The following ATG7 variants were observed in gnomAD, a reference collection of about 807,000 sequenced individuals.
The protein encoded by ATG7 is ubiquitin-like modifier-activating enzyme ATG7.
In ATG7, 70 loss-of-function variants were observed where a neutral mutation model predicts 82.4. The ratio of observed to expected loss-of-function variants is 0.85; its 90% CI spans 0.70 to 1.04. ATG7 has a LOEUF of 1.04. Ranked by LOEUF, ATG7 falls within the 50% of genes least tolerant of loss-of-function variation. ATG7 has a pLI of 0.00. For missense variants in ATG7, 792 were observed against 864.3 expected (o/e 0.92, Z 1.05); for synonymous variants, 287 against 313.0 (o/e 0.92, Z 0.88).
At chr3:11,451,855 A>G (rs2085194050) in intron 20 of ATG7, among the ~76,000 whole-genome samples, 1 of 150,534 alleles carries the variant, frequency 6.6e-6, no homozygotes, top group African/African-American at 2.4e-5. Flanking sequence ...CTCTATATAT[A>G]TATACGCCTT....
At chr3:11,331,170 G>A (rs1559408499) in intron 9 of ATG7, among the ~76,000 whole-genome samples, 170 bp from the exon 10 acceptor site, 2 of 152,114 alleles carry the variant, frequency 1.3e-5, no homozygotes, top group African/African-American at 4.8e-5. Flanking sequence ...GTTCTGTAGT[G>A]CAGTGTGAGA....
chr3:11,438,427 G>A (rs1474132459), intron 20 of ATG7, among the ~76,000 whole-genome samples: 2 of 152,156 alleles, frequency 1.3e-5, no homozygotes, highest in Non-Finnish European at 2.9e-5. Flanking sequence ...TTAGCCAGGC[G>A]TGGTGGCTTG....
intron 18 of ATG7, among the ~76,000 whole-genome samples, chr3:11,373,706 T>C (rs1270224482): frequency 1.3e-5 from 2 of 152,208 alleles, no homozygotes; most frequent in Non-Finnish European, 1.5e-5. Flanking sequence ...CCTCTCTCAA[T>C]AGGTATGTGT....
the ATG7 span, among the ~76,000 whole-genome samples, chr3:11,571,036 T>C: frequency 2.0e-5 from 3 of 152,162 alleles, no homozygotes; most frequent in African/African-American, 4.8e-5. Context: ...GTGAAGACGA[T>C]GTTTGCCGAG....
At chr3:11,491,357 C>G (rs1356369831) in intron 20 of ATG7, among the ~76,000 whole-genome samples, 1 of 152,148 alleles carries the variant, frequency 6.6e-6, no homozygotes. Flanking sequence ...ATTGGTTATT[C>G]TAGTTATACA....
At chr3:11,492,290 C>T (rs190478747) in intron 20 of ATG7, among the ~76,000 whole-genome samples, 4 of 152,320 alleles carry the variant, frequency 2.6e-5, no homozygotes, top group Admixed American at 6.5e-5. Context: ...TTGCACTTCC[C>T]GAGTGAGGCA....
downstream of ATG7, among the ~76,000 whole-genome samples, chr3:11,560,837 G>A (rs1035508763): frequency 1.3e-5 from 2 of 152,200 alleles, no homozygotes; most frequent in African/African-American, 4.8e-5. Context: ...CCGGGCAGGT[G>A]GAGCTGGGCT....
chr3:11,426,841 T>C lies in ATG7; in HGVS notation c.1994T>C (p.Leu665Pro). 16 of 1,611,320 alleles carry C rather than the reference T, an allele frequency of 9.9e-6. No individual in the cohort carries two copies. The highest frequency in any genetic ancestry group is 1.4e-5 in the Non-Finnish European group (16 of 1,178,946). ...TATGAACGAGAAGGATTTAACTTCC[T>C]AGCCAAGGTGTTTAATTCTTCACAT... ...DQYEREGFNFLAKVFNSSHSF... is the reference protein window; with the variant it reads ...DQYEREGFNFPAKVFNSSHSF... The change falls in exon 20 of 21, where the codon CTA becomes CCA. Residue 665 changes from leucine (L) to proline (P), a missense_variant. Coordinates refer to ENST00000693202, the MANE Select transcript of ATG7 (RefSeq NM_001349232.2).
intron 5 of ATG7, among the ~76,000 whole-genome samples, chr3:11,303,558 C>T (rs1947147643): frequency 6.6e-6 from 1 of 151,312 alleles, no homozygotes; most frequent in African/African-American, 2.4e-5. Flanking sequence ...GTCCCAGCTG[C>T]TTGAGAGGCT....
intron 14 of ATG7, among the ~76,000 whole-genome samples, chr3:11,348,999 T>A (rs1559446881): frequency 1.3e-5 from 2 of 152,110 alleles, no homozygotes; most frequent in Non-Finnish European, 2.9e-5. Context: ...TACAGAGTGC[T>A]GATTGGTGTG....
chr3:11,487,048 G>A (rs1299655415), intron 20 of ATG7, among the ~76,000 whole-genome samples: 1 of 151,208 alleles, frequency 6.6e-6, no homozygotes, highest in African/African-American at 2.4e-5. Context: ...TAACGAGCAT[G>A]CTGCCTTCAA....
At chr3:11,506,790 T>C (rs1288661214) in intron 20 of ATG7, among the ~76,000 whole-genome samples, 1 of 151,990 alleles carries the variant, frequency 6.6e-6, no homozygotes, top group Non-Finnish European at 1.5e-5. Context: ...GAAAGTTTAG[T>C]TGGGCAGCCC....
chr3:11,536,680 G>A (rs1197551984), intron 20 of ATG7, among the ~76,000 whole-genome samples: 3 of 152,100 alleles, frequency 2.0e-5, no homozygotes, highest in African/African-American at 2.4e-5. Flanking sequence ...CCATAGGTGC[G>A]GAACGAACCT....
intron 20 of ATG7, among the ~76,000 whole-genome samples, chr3:11,509,967 T>C (rs2091962634): frequency 6.6e-6 from 1 of 152,170 alleles, no homozygotes; most frequent in African/African-American, 2.4e-5. Flanking sequence ...AATGGCTATT[T>C]TTATCAGGGA....
chr3:11,285,799 G>T (rs1943895484), intron 3 of ATG7, among the ~76,000 whole-genome samples: 1 of 152,122 alleles, frequency 6.6e-6, no homozygotes, highest in African/African-American at 2.4e-5. Context: ...CAAACTTACA[G>T]AAATTCTACA....
At chr3:11,413,669 T>C (rs2081118208) in intron 19 of ATG7, among the ~76,000 whole-genome samples, 1 of 152,238 alleles carries the variant, frequency 6.6e-6, no homozygotes, top group African/African-American at 2.4e-5. Context: ...TTTGCATTAA[T>C]TTATAAGTGG....
chr3:11,517,781 T>G (rs2092325658), intron 20 of ATG7, among the ~76,000 whole-genome samples: 1 of 152,250 alleles, frequency 6.6e-6, no homozygotes, highest in Admixed American at 6.5e-5. Flanking sequence ...TCAGCAGAGC[T>G]GGAGAGAGTC....
At chr3:11,529,694 C>T (rs538025228) in intron 20 of ATG7, 17 of 153,132 alleles carry the variant, frequency 1.1e-4, no homozygotes, top group Non-Finnish European at 2.0e-4. Context: ...TGAGGCTTCA[C>T]CTGGTTAGCA....
chr3:11,550,402 TTTTA>T (rs2071667752), intron 20 of ATG7, among the ~76,000 whole-genome samples: 1 of 152,182 alleles, frequency 6.6e-6, no homozygotes, highest in African/African-American at 2.4e-5. Context: ...TCTTCTTGAA[TTTTA>T]TTTATTTCTT....
Sources: allele counts gnomAD v4.1 joint callset (sites outside exome capture counted in the v4.1 genomes callset), GRCh38; gene constraint gnomAD v4.1.1; transcripts MANE v1.5; gene names NCBI Gene and HGNC (gene_info 2026-07-23, HGNC 2026-07-21).